PATJ: variants seen among roughly 807,000 people sequenced by gnomAD.
PATJ encodes the protein inaD-like protein.
PATJ carries 190 observed loss-of-function variants against 224.9 expected under a neutral mutation model. That is an observed-to-expected ratio of 0.84 (90% CI 0.75 to 0.95). PATJ has a LOEUF of 0.95. Among genes scored for constraint, PATJ ranks in the 40% least tolerant of loss-of-function variants. The pLI is 0.00. For missense variants in PATJ, 2,121 were observed against 2,270.3 expected, an observed-to-expected ratio of 0.93 and a Z score of 1.34; for synonymous variants, 769 against 820.3, an observed-to-expected ratio of 0.94 and a Z score of 1.07.
intron 19 of PATJ, among the ~76,000 whole-genome samples, chr1:61,863,236 A>G (rs1262648136): frequency 6.6e-6 from 1 of 151,838 alleles, no homozygotes; most frequent in African/African-American, 2.4e-5. Flanking sequence ...GGGGCTCACT[A>G]TATTGCCCAG....
intron 43 of PATJ, among the ~76,000 whole-genome samples, chr1:62,158,490 T>A (rs977847331): frequency 6.7e-6 from 1 of 148,212 alleles, no homozygotes; most frequent in African/African-American, 2.4e-5. Context: ...GAGGCCAAGG[T>A]GGGCGGATCA....
chr1:62,105,394 T>G (rs1662777915), intron 33 of PATJ, among the ~76,000 whole-genome samples: 1 of 152,054 alleles, frequency 6.6e-6, no homozygotes, highest in African/African-American at 2.4e-5. Flanking sequence ...CCAGTGAAAA[T>G]AGGGTATTTG....
At position 61,848,795 on chromosome 1, in the gene PATJ, G is replaced by C. The variant is rs75392106; in HGVS notation, c.2113-7235G>C. Among the ~76,000 whole-genome samples, 1,068 of 152,150 alleles carry C rather than the reference G, an allele frequency of 7.0e-3. 11 individuals are homozygous for C. The highest frequency in any genetic ancestry group is 0.025 in the African/African-American group (1,033 of 41,494). On this transcript the variant is annotated intron_variant, in intron 17 of 43. Coordinates refer to ENST00000642238, the MANE Select transcript of PATJ (RefSeq NM_001350145.3). ...TGTTGCTTTGAAGATTAATTTAGCTGTTAATTAATTTAGATTTTAACTTAA... is the reference window on the plus strand; with the variant it reads ...TGTTGCTTTGAAGATTAATTTAGCTCTTAATTAATTTAGATTTTAACTTAA...
At chr1:61,811,096 G>A (rs1282541993) in intron 14 of PATJ, among the ~76,000 whole-genome samples, 2 of 152,090 alleles carry the variant, frequency 1.3e-5, no homozygotes, top group Non-Finnish European at 2.9e-5. Context: ...TTTTTTGTAT[G>A]TAAAAAGGAA....
chr1:61,800,987 C>T (rs188389246), intron 11 of PATJ, among the ~76,000 whole-genome samples: 1 of 152,306 alleles, frequency 6.6e-6, no homozygotes, highest in Non-Finnish European at 1.5e-5. Flanking sequence ...CACTGATAGA[C>T]ATTTGGGTTG....
chr1:61,770,911 G>GAA (rs560218361), intron 5 of PATJ, among the ~76,000 whole-genome samples: 2 of 119,614 alleles, frequency 1.7e-5, no homozygotes, highest in Non-Finnish European at 1.7e-5. Context: ...GACCATGCCT[G>GAA]AAAAAAAAAA....
intron 27 of PATJ, among the ~76,000 whole-genome samples, chr1:61,966,879 G>A (rs950517683): frequency 1.2e-4 from 18 of 152,180 alleles, no homozygotes; most frequent in African/African-American, 4.3e-4. Flanking sequence ...CTGTCATGGC[G>A]CTGGTGGGAG....
intron 40 of PATJ, chr1:62,128,523 T>G (rs1665951264): frequency 6.5e-6 from 2 of 306,894 alleles, no homozygotes. Flanking sequence ...CATTAGAACT[T>G]TATTGAACGG....
intron 28 of PATJ, among the ~76,000 whole-genome samples, chr1:61,993,744 A>C (rs1253942241): frequency 6.6e-6 from 1 of 152,196 alleles, no homozygotes; most frequent in Non-Finnish European, 1.5e-5. Flanking sequence ...AGCAGAGAAC[A>C]AATATGTATT....
intron 31 of PATJ, among the ~76,000 whole-genome samples, chr1:62,073,841 G>A (rs556837472): frequency 1.3e-5 from 2 of 152,168 alleles, no homozygotes; most frequent in East Asian, 1.9e-4. Flanking sequence ...ATTTCTGAGA[G>A]CACCATGTCT....
intron 14 of PATJ, among the ~76,000 whole-genome samples, chr1:61,811,906 A>G (rs1470285333): frequency 1.3e-5 from 2 of 151,324 alleles, no homozygotes; most frequent in Non-Finnish European, 2.9e-5. Context: ...CTAAAAATAC[A>G]AAAAATTAGC....
chr1:62,057,576 T>C (rs1478740767), intron 31 of PATJ, among the ~76,000 whole-genome samples: 3 of 152,208 alleles, frequency 2.0e-5, no homozygotes, highest in African/African-American at 7.2e-5. Flanking sequence ...GTGGAAACAA[T>C]ATATATTCTC....
At chr1:61,749,703 G>T (rs1645218865) in intron 1 of PATJ, among the ~76,000 whole-genome samples, 1 of 151,636 alleles carries the variant, frequency 6.6e-6, no homozygotes, top group African/African-American at 2.4e-5. Context: ...TGGAGACAGG[G>T]TCTCACTCTG....
chr1:62,017,069 A>T (rs905607288), intron 28 of PATJ, among the ~76,000 whole-genome samples: 2 of 152,214 alleles, frequency 1.3e-5, no homozygotes, highest in Non-Finnish European at 2.9e-5. Context: ...AGGATTTTTG[A>T]TAGCTGTTTA....
At chr1:61,903,773 T>C (rs2482852) in intron 24 of PATJ, among the ~76,000 whole-genome samples, 101,728 of 144,202 alleles carry the variant, frequency 0.71, 36,077 homozygotes, top group East Asian at 1. Flanking sequence ...CATGGTACTT[T>C]GCTTTTTTTT....
At chr1:61,864,701 C>G in intron 20 of PATJ, 68 bp downstream of exon 20, 1 of 1,384,488 alleles carries the variant, frequency 7.2e-7, no homozygotes, top group East Asian at 2.3e-5. Flanking sequence ...GTCTCTAACT[C>G]ATGTCACTTC....
chr1:61,955,446 A>C (rs1410338025), intron 27 of PATJ, among the ~76,000 whole-genome samples: 2 of 152,152 alleles, frequency 1.3e-5, no homozygotes, highest in African/African-American at 2.4e-5. Flanking sequence ...CAAGCTCCAG[A>C]CTTGTGAGTC....
chr1:61,925,428 C>T (rs966219620), intron 26 of PATJ, among the ~76,000 whole-genome samples: 1 of 152,166 alleles, frequency 6.6e-6, no homozygotes, highest in Non-Finnish European at 1.5e-5. Context: ...TTCCTACTAT[C>T]AGCGAGGAAT....
rs182663390 is a variant in PATJ, at chr1:61,803,447, G to A, written c.1549+1678G>A. Among the ~76,000 whole-genome samples, 539 of 152,022 alleles carry A rather than the reference G, an allele frequency of 3.5e-3. 13 individuals are homozygous for A. Among genetic ancestry groups the A allele is most frequent in the Admixed American group, 0.032 (495 of 15,244 alleles). On this transcript the variant is annotated intron_variant, in intron 12 of 43. Coordinates refer to ENST00000642238, the MANE Select transcript of PATJ (RefSeq NM_001350145.3). ...CCAACACATGCACTACAAGATTTTCGTCATCAATATAACGGTCTTGGCATC... is the reference window on the plus strand; with the variant it reads ...CCAACACATGCACTACAAGATTTTCATCATCAATATAACGGTCTTGGCATC...
Sources: allele counts gnomAD v4.1 joint callset (sites outside exome capture counted in the v4.1 genomes callset), GRCh38; gene constraint gnomAD v4.1.1; transcripts MANE v1.5; gene names NCBI Gene and HGNC (gene_info 2026-07-23, HGNC 2026-07-21).